The following MEGF6 variants were observed in gnomAD, a reference collection of about 807,000 sequenced individuals.
The protein encoded by MEGF6 is multiple epidermal growth factor-like domains protein 6.
In MEGF6, 184 loss-of-function variants were observed where a neutral mutation model predicts 207.1. The ratio of observed to expected loss-of-function variants is 0.89; its 90% CI spans 0.79 to 1.00. The LOEUF (loss-of-function observed/expected upper bound fraction) is 1.00. MEGF6 is among the 50% of genes least tolerant of loss of function. The pLI is 0.00. For missense variants in MEGF6, 2,282 were observed against 2,202.9 expected, an observed-to-expected ratio of 1.04 and a Z score of -0.72; for synonymous variants, 1,038 against 910.0, an observed-to-expected ratio of 1.14 and a Z score of -2.53.
chr1:3,571,446 C>A (rs571985689), intron 4 of MEGF6, among the ~76,000 whole-genome samples: 4 of 152,156 alleles, frequency 2.6e-5, no homozygotes, highest in East Asian at 3.9e-4. Flanking sequence ...ACATCCCCCC[C>A]AGACACGCTG....
intron 3 of MEGF6, among the ~76,000 whole-genome samples, chr1:3,593,593 G>A (rs1447696435): frequency 7.5e-6 from 1 of 133,136 alleles, no homozygotes; most frequent in African/African-American, 2.9e-5. Flanking sequence ...CCCCGCCCCC[G>A]GCCTGCTCCA....
chr1:3,500,746 C>T lies in MEGF6; in HGVS notation c.2594G>A (p.Trp865Ter), dbSNP rs868829015. The stretch of plus-strand genomic sequence containing the variant: ...GCAGGGGTGGCTGCAGTCAGGTCCC[C>T]AGTGCCCAGTATCACAGGCTGCAAC... ...SCQRACDTGH[W>*]GPDCSHPCNC... The change falls in exon 21 of 37, where the codon TGG becomes TAG. Residue 865 changes from tryptophan (W) to a stop codon, truncating the protein, a stop_gained. Transcript: ENST00000356575. LOFTEE classifies it high-confidence loss of function. The T allele has an allele frequency of 6.2e-7, 1 of 1,604,156 alleles. No homozygotes were observed. Among genetic ancestry groups the T allele is most frequent in the Non-Finnish European group, 8.5e-7 (1 of 1,176,026 alleles).
intron 4 of MEGF6, among the ~76,000 whole-genome samples, chr1:3,567,683 C>A (rs944962192): frequency 6.6e-6 from 1 of 152,184 alleles, no homozygotes; most frequent in Non-Finnish European, 1.5e-5. Context: ...GGAGCACCTG[C>A]GACCCAGAGC....
At chr1:3,529,880 C>T (rs1642089990) in intron 4 of MEGF6, among the ~76,000 whole-genome samples, 1 of 152,258 alleles carries the variant, frequency 6.6e-6, no homozygotes, top group South Asian at 2.1e-4. Flanking sequence ...GCTCTGGGCC[C>T]CTGCCAGAAA....
rs755229071 is a variant in MEGF6, at chr1:3,499,658, T to C, written c.2895A>G (p.Gly965=). The C allele has an allele frequency of 1.1e-5, 17 of 1,596,612 alleles. No homozygotes were observed. In the African/African-American group the frequency reaches 2.3e-4, roughly 21 times the overall value. Residue 965 remains glycine (G), a synonymous_variant, in exon 23 of 37, where the codon GGA becomes GGG. Transcript: ENST00000356575. ...DCRSACNCTA[G]AACDAVNGSC... is the part of the protein sequence containing the mutation. ...AGCCATTCACGGCATCACAGGCAGC[T>C]CCGGCGGTGCAGTTGCAGGCACTGC...
intron 1 of MEGF6, among the ~76,000 whole-genome samples, chr1:3,608,984 G>A (rs959641097): frequency 6.6e-5 from 10 of 152,296 alleles, no homozygotes; most frequent in African/African-American, 1.9e-4. Flanking sequence ...TAGAGGCCCC[G>A]GCTTCTAGCA....
intron 5 of MEGF6, among the ~76,000 whole-genome samples, chr1:3,520,636 C>T (rs1338496949): frequency 6.6e-6 from 1 of 152,084 alleles, no homozygotes; most frequent in Non-Finnish European, 1.5e-5. Context: ...CAATGGGGCA[C>T]ACCAGGACTG....
chr1:3,519,158 G>A, intron 5 of MEGF6, among the ~76,000 whole-genome samples: 1 of 152,182 alleles, frequency 6.6e-6, no homozygotes, highest in Non-Finnish European at 1.5e-5. Flanking sequence ...CCCCAGCAAG[G>A]CCCCCACCCC....
In MEGF6 at chr1:3,488,505, C is replaced by T. The variant is rs1640228905; in HGVS notation, c.*2023G>A. 2.6e-5 allele frequency among the ~76,000 whole-genome samples: 4 copies of T among 152,226 alleles called. No homozygotes were observed. In the South Asian group the frequency reaches 8.3e-4, roughly 32 times the overall value. On this transcript the variant is annotated 3_prime_UTR_variant, in exon 37 of 37. Coordinates refer to ENST00000356575, the MANE Select transcript of MEGF6 (RefSeq NM_001409.4). The stretch of plus-strand genomic sequence containing the variant: ...ATATCTCAGAGCACCCTCCTGGCTT[C>T]TTTCTCTTCTGGCTGGAGAACGTCT...
At position 3,556,423 on chromosome 1, in the gene MEGF6, G is replaced by A. The variant is rs185997152; in HGVS notation, c.481+23402C>T. 5.9e-4 allele frequency among the ~76,000 whole-genome samples: 90 copies of A among 152,284 alleles called. No homozygotes were observed. The East Asian group carries it at 0.012, about 21-fold the overall frequency. The stretch of plus-strand genomic sequence containing the variant: ...CCGGCTGGCTGAACCAAATTGGCCC[G>A]GGACCTCCTCACGGAGCCACAGCCA... On this transcript the variant is annotated intron_variant, in intron 4 of 36. Coordinates refer to ENST00000356575, the MANE Select transcript of MEGF6 (RefSeq NM_001409.4). The surrounding 1 kb of genome is among the most constrained non-coding windows in gnomAD (Gnocchi z 4.4).
In MEGF6 at chr1:3,497,086, GCA is replaced by G; in HGVS notation, c.3513_3514del (p.Gln1173AspfsTer7). On this transcript the variant is annotated frameshift_variant, in exon 28 of 37. Coordinates refer to ENST00000356575, the MANE Select transcript of MEGF6 (RefSeq NM_001409.4). LOFTEE classifies it high-confidence loss of function. The stretch of plus-strand genomic sequence containing the variant: ...CTCACCGGGACACTGGCACATCTGC[GCA>G]CAGTCCTCCCCAAAGCTGCCGGGTG... 1 of 1,573,334 alleles carries G rather than the reference GCA, an allele frequency of 6.4e-7. No individual in the cohort carries two copies. Among genetic ancestry groups the G allele is most frequent in the Non-Finnish European group, 8.6e-7 (1 of 1,159,938 alleles).
intron 4 of MEGF6, among the ~76,000 whole-genome samples, chr1:3,552,372 G>C (rs1642914358): frequency 6.6e-6 from 1 of 152,234 alleles, no homozygotes; most frequent in Admixed American, 6.5e-5. Flanking sequence ...AACAGGACTG[G>C]GGTCTAGGAC....
At chr1:3,531,318 G>T (rs891816235) in intron 4 of MEGF6, 5 of 1,235,852 alleles carry the variant, frequency 4.0e-6, no homozygotes, top group Non-Finnish European at 5.0e-6. Flanking sequence ...GCCGGGCGAC[G>T]GGGCAGGCGG....
chr1:3,559,683 G>A (rs868315622), intron 4 of MEGF6, among the ~76,000 whole-genome samples: 7 of 152,072 alleles, frequency 4.6e-5, no homozygotes, highest in South Asian at 4.2e-4. Flanking sequence ...GAAAGGAGGC[G>A]TCTGGACATG....
chr1:3,558,806 G>A (rs10909967), intron 4 of MEGF6, among the ~76,000 whole-genome samples: 2,385 of 152,274 alleles, frequency 0.016, 64 homozygotes, highest in African/African-American at 0.054. Flanking sequence ...TGTTTGCAGC[G>A]CTGAGCACCT....
intron 4 of MEGF6, among the ~76,000 whole-genome samples, chr1:3,542,527 G>A (rs982586775): frequency 1.3e-5 from 2 of 152,182 alleles, no homozygotes; most frequent in African/African-American, 4.8e-5. Context: ...TGGTCAAGAG[G>A]AGGCAGAGGA....
chr1:3,609,458 T>C (rs1644296528), intron 1 of MEGF6, among the ~76,000 whole-genome samples: 1 of 152,316 alleles, frequency 6.6e-6, no homozygotes, highest in Admixed American at 6.5e-5. Context: ...AGACTCTCGC[T>C]GGTGGACGAT....
chr1:3,612,725 CA>C (rs1644344302), upstream of MEGF6, among the ~76,000 whole-genome samples: 1 of 143,812 alleles, frequency 7.0e-6, no homozygotes, highest in Non-Finnish European at 1.5e-5. Context: ...TAATAGGGAG[CA>C]CTGGAGGGAG....
intron 5 of MEGF6, among the ~76,000 whole-genome samples, chr1:3,517,916 G>GA (rs1185024937): frequency 3.3e-5 from 5 of 152,178 alleles, no homozygotes; most frequent in African/African-American, 7.2e-5. Flanking sequence ...TTTCTCAAAG[G>GA]AAAAAATCCC....
Sources: allele counts gnomAD v4.1 joint callset (sites outside exome capture counted in the v4.1 genomes callset), GRCh38; gene constraint gnomAD v4.1.1; non-coding constraint Gnocchi (gnomAD v3.1); transcripts MANE v1.5; gene names NCBI Gene and HGNC (gene_info 2026-07-23, HGNC 2026-07-21).